The following SLCO6A1 variants were observed in gnomAD, a reference collection of about 807,000 sequenced individuals.
SLCO6A1 encodes the protein solute carrier organic anion transporter family member 6A1.
Under a neutral mutation model 72.7 loss-of-function variants are expected in SLCO6A1, and 65 were observed. The ratio of observed to expected loss-of-function variants is 0.89; its 90% CI spans 0.73 to 1.10. The LOEUF is 1.10. Ranked by LOEUF, SLCO6A1 falls within the 50% of genes least tolerant of loss-of-function variation. SLCO6A1 has a pLI of 0.00. For missense variants in SLCO6A1, 874 were observed against 872.6 expected, an observed-to-expected ratio of 1.00 and a Z score of -0.02; for synonymous variants, 314 against 298.2, an observed-to-expected ratio of 1.05 and a Z score of -0.55.
chr5:102,479,651 A>T (rs1256765536), intron 2 of SLCO6A1, among the ~76,000 whole-genome samples: 1 of 151,996 alleles, frequency 6.6e-6, no homozygotes, highest in African/African-American at 2.4e-5. Flanking sequence ...AATACTTTTA[A>T]TTCCCTTGCT....
intron 1 of SLCO6A1, among the ~76,000 whole-genome samples, chr5:102,491,921 A>C (rs1752699776): frequency 1.3e-5 from 2 of 152,260 alleles, no homozygotes; most frequent in South Asian, 4.1e-4. Flanking sequence ...ACAGTTCTGC[A>C]GGCTGTACAG....
intron 12 of SLCO6A1, among the ~76,000 whole-genome samples, chr5:102,377,715 A>G (rs922249247): frequency 2.0e-5 from 3 of 151,954 alleles, no homozygotes; most frequent in Non-Finnish European, 4.4e-5. Context: ...TCTGTCACCC[A>G]GGCTGGAGTG....
intron 12 of SLCO6A1, among the ~76,000 whole-genome samples, chr5:102,383,425 A>G (rs1746234939): frequency 6.6e-6 from 1 of 151,746 alleles, no homozygotes; most frequent in African/African-American, 2.4e-5. Flanking sequence ...TAAGTTTTGT[A>G]AATACTTTTC....
At chr5:102,466,768 T>A (rs868109962) in intron 4 of SLCO6A1, among the ~76,000 whole-genome samples, 1 of 152,098 alleles carries the variant, frequency 6.6e-6, no homozygotes, top group African/African-American at 2.4e-5. Context: ...CTCTAATGAT[T>A]AGTGATGTTG....
At chr5:102,415,667 T>C (rs1032495076) in intron 8 of SLCO6A1, among the ~76,000 whole-genome samples, 41 of 152,068 alleles carry the variant, frequency 2.7e-4, no homozygotes, top group African/African-American at 9.7e-4. Context: ...TCGTGATTGA[T>C]ACCTCAAAAG....
rs569780745 is a variant in SLCO6A1 at position 102,490,044 on chromosome 5, T to C, written c.358+8443A>G. Among the ~76,000 whole-genome samples, 15 of 152,322 alleles carry C rather than the reference T, an allele frequency of 9.8e-5. No homozygotes were observed. In the South Asian group the frequency reaches 3.1e-3, roughly 32 times the overall value. ...TATGTATAATCTAAAAAGGTTGATC[T>C]TACAGAAGTAAAGAGTAGAATAATG... On this transcript the variant is annotated intron_variant, in intron 1 of 13. Transcript: ENST00000506729.
intron 7 of SLCO6A1, among the ~76,000 whole-genome samples, chr5:102,421,537 C>T (rs550497308): frequency 2.0e-5 from 3 of 152,270 alleles, no homozygotes; most frequent in Non-Finnish European, 2.9e-5. Flanking sequence ...CCCAACAGCA[C>T]GGCAAAGCCA....
At chr5:102,427,185 C>A (rs894843813) in intron 7 of SLCO6A1, among the ~76,000 whole-genome samples, 1 of 151,690 alleles carries the variant, frequency 6.6e-6, no homozygotes, top group African/African-American at 2.4e-5. Context: ...CTTAAAAACT[C>A]AAATCTCAGG....
chr5:102,495,865 A>G (rs1258395137), intron 1 of SLCO6A1, among the ~76,000 whole-genome samples: 1 of 152,172 alleles, frequency 6.6e-6, no homozygotes, highest in African/African-American at 2.4e-5. Context: ...CTGCACTACA[A>G]AAAAACCATA....
intron 6 of SLCO6A1, among the ~76,000 whole-genome samples, chr5:102,441,666 A>AT (rs1490168683): frequency 1.1e-4 from 16 of 152,186 alleles, no homozygotes; most frequent in African/African-American, 3.8e-4. Flanking sequence ...GAATATTGTC[A>AT]TTTCAAACAT....
At position 102,459,713 on chromosome 5, in the gene SLCO6A1, C is replaced by A. The variant is rs185327147; in HGVS notation, c.964G>T (p.Ala322Ser). The change falls in exon 5 of 14, where the codon GCT becomes TCT. Residue 322 changes from alanine to serine, a missense_variant. Transcript: ENST00000506729. ...ATTAATGTACACCATGCAACGACAG[C>A]GGCAAAAAGAAAATTAATCCACCAA... ...WTWWINFLFAAVVAWCTLIPL... is the reference protein window; with the variant it reads ...WTWWINFLFASVVAWCTLIPL... 5.6e-6 allele frequency: 9 copies of A among 1,609,804 alleles called. No homozygotes were observed. The highest frequency in any genetic ancestry group is 7.6e-6 in the Non-Finnish European group (9 of 1,178,228).
intron 12 of SLCO6A1, among the ~76,000 whole-genome samples, chr5:102,378,743 C>T (rs189951256): frequency 6.6e-6 from 1 of 151,800 alleles, no homozygotes; most frequent in East Asian, 1.9e-4. Context: ...TTGAATTTAC[C>T]ACAATATATT....
chr5:102,495,803 G>T (rs895792946), intron 1 of SLCO6A1, among the ~76,000 whole-genome samples: 1 of 151,996 alleles, frequency 6.6e-6, no homozygotes, highest in African/African-American at 2.4e-5. Flanking sequence ...GGGAAAAAAG[G>T]CCTGAGTCTG....
At chr5:102,398,072 A>G (rs1298502442) in intron 10 of SLCO6A1, among the ~76,000 whole-genome samples, 2 of 152,066 alleles carry the variant, frequency 1.3e-5, no homozygotes, top group Non-Finnish European at 2.9e-5. Context: ...CTTGTATTTC[A>G]TATTTTAGTT....
chr5:102,419,196 C>G (rs1748453295), intron 8 of SLCO6A1, among the ~76,000 whole-genome samples: 1 of 152,132 alleles, frequency 6.6e-6, no homozygotes, highest in Admixed American at 6.6e-5. Context: ...TCTTTGATTC[C>G]TTTAACCAAA....
At chr5:102,459,314 T>C (rs1750900880) in intron 5 of SLCO6A1, among the ~76,000 whole-genome samples, 3 of 152,028 alleles carry the variant, frequency 2.0e-5, no homozygotes, top group African/African-American at 4.8e-5. Flanking sequence ...AATTCTACTC[T>C]GGAGGTGAGG....
chr5:102,419,277 T>A (rs892067850), intron 8 of SLCO6A1, among the ~76,000 whole-genome samples: 4 of 152,224 alleles, frequency 2.6e-5, no homozygotes, highest in African/African-American at 9.6e-5. Context: ...AACTAATCCA[T>A]TGTTGCTCAA....
intron 8 of SLCO6A1, among the ~76,000 whole-genome samples, 164 bp downstream of exon 8, chr5:102,419,662 C>A (rs529648171): frequency 0.023 from 3,560 of 152,172 alleles, 137 homozygotes; most frequent in African/African-American, 0.081. Flanking sequence ...ATATTTGTGC[C>A]TTACTATGAA....
At chr5:102,430,165 T>C (rs182854291) in intron 7 of SLCO6A1, among the ~76,000 whole-genome samples, 6 of 152,246 alleles carry the variant, frequency 3.9e-5, no homozygotes, top group Admixed American at 2.0e-4. Context: ...ATCCAGAAAC[T>C]TTGCTGATGG....
Sources: gnomAD v4.1 joint callset for allele counts (sites outside exome capture counted in the v4.1 genomes callset) on GRCh38, gnomAD v4.1.1 for gene constraint, MANE v1.5 for transcripts, NCBI Gene and HGNC (gene_info 2026-07-23, HGNC 2026-07-21) for gene names.